The following ATAD5 variants were observed in gnomAD, a reference collection of about 807,000 sequenced individuals.
ATAD5 encodes the protein ATPase family AAA domain containing 5.
Under a neutral mutation model 176.9 loss-of-function variants are expected in ATAD5, and 58 were observed. The observed-to-expected ratio is 0.33, with a 90% CI of 0.27 to 0.41. The LOEUF (loss-of-function observed/expected upper bound fraction) is 0.41, where lower values mean the gene tolerates loss of function less well. Among genes scored for constraint, ATAD5 ranks in the 10% least tolerant of loss-of-function variants. The probability of loss-of-function intolerance (pLI) is 1.00; values close to 1 mark genes in which losing one functional copy is unlikely to be tolerated. For synonymous variants in ATAD5, 640 were observed against 712.6 expected (o/e 0.90, Z 1.62); for missense variants, 1,789 against 2,094.1 (o/e 0.85, Z 2.84).
At chr17:30,832,779 G>A (rs1185870894) in intron 1 of ATAD5, among the ~76,000 whole-genome samples, 1 of 152,178 alleles carries the variant, frequency 6.6e-6, no homozygotes. Context: ...GAACTTTAGC[G>A]CTGAAGAAGA....
rs972949470 is a variant in ATAD5 at position 30,882,244 on chromosome 17, G to A, written c.4077+2757G>A. 4.7e-5 allele frequency among the ~76,000 whole-genome samples: 7 copies of A among 148,966 alleles called. No homozygotes were observed. In the East Asian group the frequency reaches 6.0e-4, roughly 13 times the overall value. On this transcript the variant is annotated intron_variant, in intron 18 of 22. Coordinates refer to ENST00000321990, the MANE Select transcript of ATAD5 (RefSeq NM_024857.5). ...GCACTCCAGCCTGGGCAACAAGAGC[G>A]AAACTCCATCTGAAAAAAAAAAAAA...
Position 30,892,684 on chromosome 17 carries a change from A to G in ATAD5, c.4336A>G (p.Lys1446Glu), listed in dbSNP as rs1909702571. The G allele has an allele frequency of 2.5e-6, 4 of 1,603,134 alleles. No homozygotes were observed. Among genetic ancestry groups the G allele is most frequent in the Admixed American group, 1.7e-5 (1 of 58,322 alleles). ...DNKIYPKNTK[K>E]KRVDLPKCDS... ...CAAAATTTACCCTAAAAATACTAAA[A>G]AGAAACGTGTAGACCTTCCAAAATG... The change falls in exon 20 of 23, where the codon AAG becomes GAG. Residue 1446 changes from lysine (K) to glutamate (E), a missense_variant. Coordinates refer to ENST00000321990, the MANE Select transcript of ATAD5 (RefSeq NM_024857.5).
intron 6 of ATAD5, among the ~76,000 whole-genome samples, chr17:30,845,462 G>C (rs1906440405): frequency 6.6e-6 from 1 of 152,178 alleles, no homozygotes; most frequent in Non-Finnish European, 1.5e-5. Flanking sequence ...AGGAGGAACT[G>C]TGTTTCAGCC....
chr17:30,841,345 A>C (rs1214163660), intron 4 of ATAD5, among the ~76,000 whole-genome samples: 1 of 152,116 alleles, frequency 6.6e-6, no homozygotes, highest in Non-Finnish European at 1.5e-5. Flanking sequence ...TTCTCCCTAA[A>C]TGGTGCAGTT....
In ATAD5 at chr17:30,879,476, A is replaced by C; in HGVS notation, c.4066A>C (p.Thr1356Pro). The change falls in exon 18 of 23, where the codon ACT becomes CCT. Residue 1356 changes from threonine (T) to proline (P), a missense_variant. By Grantham distance (38) the Thr-to-Pro change is conservative (BLOSUM62 -1). Around this residue, in one of 6 missense-constraint regions of ATAD5, gnomAD observed 194 missense variants for 270.1 expected, o/e 0.72. Coordinates refer to ENST00000321990, the MANE Select transcript of ATAD5 (RefSeq NM_024857.5). ...CTGCTTTGAAGAAATCAAGTTCAGTACTCCTTCCCTGGTAAGTTTTAAATT... is the reference window on the plus strand; with the variant it reads ...CTGCTTTGAAGAAATCAAGTTCAGTCCTCCTTCCCTGGTAAGTTTTAAATT... Reference protein sequence around the residue: ...DGCFEEIKFSTPSLLNVASYL... With the variant: ...DGCFEEIKFSPPSLLNVASYL... 2 of 1,587,574 alleles carry C rather than the reference A, an allele frequency of 1.3e-6. No individual in the cohort carries two copies. The highest frequency in any genetic ancestry group is 1.7e-6 in the Non-Finnish European group (2 of 1,172,760).
At chr17:30,842,893 A>G (rs1194334566) in intron 4 of ATAD5, among the ~76,000 whole-genome samples, 2 of 151,846 alleles carry the variant, frequency 1.3e-5, no homozygotes, top group African/African-American at 4.8e-5. Context: ...ACAGGCATGC[A>G]CCATCACACC....
rs1035928338 is a variant in ATAD5 at position 30,837,443 on chromosome 17, T to G, written c.2076+129T>G. ...TCATGTATTTCATAAATTGGTTAAC[T>G]ACAACCCTATGATATTTTTCACTAT... is the stretch of plus-strand genomic sequence containing the variant. On this transcript the variant is annotated intron_variant, in intron 3 of 22. Coordinates refer to ENST00000321990, the MANE Select transcript of ATAD5 (RefSeq NM_024857.5). The G allele has an allele frequency of 4.8e-6, 3 of 626,636 alleles. No individual in the cohort carries two copies. In the Admixed American group the frequency reaches 8.9e-5, roughly 18 times the overall value. The allele number at this position is 626,636 out of a possible 1,614,324, so 38.8% of individuals were successfully genotyped here.
chr17:30,842,240 G>A (rs1468171552), intron 4 of ATAD5, among the ~76,000 whole-genome samples: 1 of 151,900 alleles, frequency 6.6e-6, no homozygotes, highest in Non-Finnish European at 1.5e-5. Flanking sequence ...TTGCCTTCCA[G>A]CCTGGGTAAC....
At chr17:30,849,072 T>C (rs1418642823) in intron 6 of ATAD5, among the ~76,000 whole-genome samples, 1 of 152,136 alleles carries the variant, frequency 6.6e-6, no homozygotes, top group Non-Finnish European at 1.5e-5. Flanking sequence ...GGTTTCACCA[T>C]GTTGGCCAGA....
At chr17:30,855,034 C>T (rs1229382123) in intron 6 of ATAD5, 109 bp from the exon 7 acceptor site, 14 of 1,006,046 alleles carry the variant, frequency 1.4e-5, no homozygotes, top group Non-Finnish European at 1.8e-5. Context: ...ACTTATATTA[C>T]AGGCATGAGC....
intron 6 of ATAD5, among the ~76,000 whole-genome samples, chr17:30,852,800 G>A (rs1412812277): frequency 1.3e-5 from 2 of 152,000 alleles, no homozygotes; most frequent in Non-Finnish European, 2.9e-5. Flanking sequence ...ACTCATTACT[G>A]TGAGGACAGC....
chr17:30,887,663 A>G (rs1331883414), intron 19 of ATAD5, among the ~76,000 whole-genome samples: 1 of 151,976 alleles, frequency 6.6e-6, no homozygotes, highest in Non-Finnish European at 1.5e-5. Context: ...AATTTGCAAA[A>G]ATTAGCTGCG....
At position 30,893,910 on chromosome 17, in the gene ATAD5, G is replaced by C; in HGVS notation, c.5057G>C (p.Ser1686Thr). The C allele has an allele frequency of 1.2e-6, 2 of 1,614,064 alleles. No homozygotes were observed. The highest frequency in any genetic ancestry group is 1.7e-6 in the Non-Finnish European group (2 of 1,179,944). The stretch of plus-strand genomic sequence containing the variant: ...AGTTGGACAAATGGAAAGGTTACAA[G>C]TGGACTTTGTGATGAGTTTAGTCTT... ...DFSWTNGKVT[S>T]GLCDEFSLES... Residue 1686 changes from serine (S) to threonine (T), a missense_variant, in exon 21 of 23, where the codon AGT becomes ACT. Transcript: ENST00000321990.
Position 30,865,259 on chromosome 17 carries a change from G to A in ATAD5, c.3137-445G>A, listed in dbSNP as rs560415972. ...GCGATCTCCGCTCATTGCAAGCTCC[G>A]CCTCCCGGGTTCACACCATTCTCCT... On this transcript the variant is annotated intron_variant, in intron 10 of 22. Coordinates refer to ENST00000321990, the MANE Select transcript of ATAD5 (RefSeq NM_024857.5). Among the ~76,000 whole-genome samples the A allele has an allele frequency of 1.5e-4, 22 of 149,674 alleles. No individual in the cohort carries two copies. In the South Asian group the frequency reaches 4.2e-3, roughly 29 times the overall value.
intron 18 of ATAD5, among the ~76,000 whole-genome samples, chr17:30,886,832 A>G (rs1045560001): frequency 2.6e-5 from 4 of 151,980 alleles, no homozygotes; most frequent in Admixed American, 6.6e-5. Context: ...TTTCAGTGTT[A>G]TAGTATTCAT....
chr17:30,890,989 A>G (rs904031743), intron 19 of ATAD5, among the ~76,000 whole-genome samples: 1 of 152,244 alleles, frequency 6.6e-6, no homozygotes, highest in African/African-American at 2.4e-5. Context: ...GAATGGATGT[A>G]CCGTAATTTA....
At chr17:30,889,088 A>G (rs1909483426) in intron 19 of ATAD5, among the ~76,000 whole-genome samples, 1 of 150,218 alleles carries the variant, frequency 6.7e-6, no homozygotes, top group Non-Finnish European at 1.5e-5. Context: ...TAAAAAACAC[A>G]CACACAAATT....
At chr17:30,860,124 T>C (rs1354556184) in intron 9 of ATAD5, among the ~76,000 whole-genome samples, 1 of 152,020 alleles carries the variant, frequency 6.6e-6, no homozygotes, top group African/African-American at 2.4e-5. Context: ...CCCGGGTTCA[T>C]GTGATCCTCC....
intron 18 of ATAD5, among the ~76,000 whole-genome samples, chr17:30,883,691 C>A (rs1047578430): frequency 6.6e-6 from 1 of 152,078 alleles, no homozygotes; most frequent in African/African-American, 2.4e-5. Context: ...GGACTACAGG[C>A]GCCTGCCACC....
Sources: gnomAD v4.1 joint callset for allele counts (sites outside exome capture counted in the v4.1 genomes callset) on GRCh38, gnomAD v4.1.1 for gene constraint, gnomAD v4.1.1 regional missense constraint, MANE v1.5 for transcripts, NCBI Gene and HGNC (gene_info 2026-07-23, HGNC 2026-07-21) for gene names.